DNER: variants seen among roughly 807,000 people sequenced by gnomAD.
DNER encodes delta/notch like EGF repeat containing.
DNER carries 33 observed loss-of-function variants against 78.2 expected under a neutral mutation model. The observed-to-expected ratio is 0.42, with a 90% confidence interval of 0.32 to 0.56. The LOEUF is 0.56. DNER is among the 20% of genes least tolerant of loss of function. The pLI is 0.11. For synonymous variants in DNER, 417 were observed against 384.8 expected (o/e 1.08, Z -0.98); for missense variants, 918 against 975.3 (o/e 0.94, Z 0.78).
chr2:229,602,198 G>C (rs7588236), intron 1 of DNER, among the ~76,000 whole-genome samples: 4,657 of 152,110 alleles, frequency 0.031, 216 homozygotes, highest in African/African-American at 0.097. Context: ...GGAAAAGAAG[G>C]CTGCAGGCAA....
chr2:229,608,514 G>A (rs931568525), intron 1 of DNER, among the ~76,000 whole-genome samples: 8 of 152,134 alleles, frequency 5.3e-5, no homozygotes, highest in Admixed American at 2.0e-4. Flanking sequence ...AAATTAAACC[G>A]CATGAAAATT....
chr2:229,515,635 C>CTTTTTTTTTTT (rs1409850665), intron 5 of DNER, among the ~76,000 whole-genome samples: 8 of 123,252 alleles, frequency 6.5e-5, no homozygotes, highest in African/African-American at 8.8e-5. Flanking sequence ...TTCAAGTTAG[C>CTTTTTTTTTTT]TTTATTTTTT....
chr2:229,644,087 C>T lies in DNER; in HGVS notation c.277-52199G>A, dbSNP rs1010395979. Among the ~76,000 whole-genome samples the T allele has an allele frequency of 1.1e-4, 16 of 152,222 alleles. 2 individuals are homozygous for T. In the South Asian group the frequency reaches 3.3e-3, roughly 32 times the overall value. Reference sequence around the variant, plus strand: ...CAGACAATGCCAGCCCAGGGATCAGCCCTGCACCTGCCCCCAAATTTCCCA... The same window carrying T: ...CAGACAATGCCAGCCCAGGGATCAGTCCTGCACCTGCCCCCAAATTTCCCA... On this transcript the variant is annotated intron_variant, in intron 1 of 12. Transcript: ENST00000341772.
intron 1 of DNER, among the ~76,000 whole-genome samples, chr2:229,713,231 C>A (rs1352547038): frequency 6.6e-6 from 1 of 152,248 alleles, no homozygotes. Context: ...TACACACAGT[C>A]CTACCAAATT....
chr2:229,597,387 C>T (rs17581710), intron 1 of DNER, among the ~76,000 whole-genome samples: 5,949 of 152,248 alleles, frequency 0.039, 149 homozygotes, highest in Middle Eastern at 0.1. Context: ...TTAAGTCCTA[C>T]GTTTCTGTAT....
intron 8 of DNER, among the ~76,000 whole-genome samples, chr2:229,421,985 T>C (rs1010201821): frequency 2.6e-5 from 4 of 152,210 alleles, no homozygotes; most frequent in African/African-American, 4.8e-5. Flanking sequence ...TATCTTTTTA[T>C]ACTAGCAATA....
chr2:229,449,820 G>A (rs1694417778), intron 7 of DNER, among the ~76,000 whole-genome samples: 1 of 152,186 alleles, frequency 6.6e-6, no homozygotes, highest in Non-Finnish European at 1.5e-5. Context: ...GTCTCACTCT[G>A]TTGCCCAGGC....
At position 229,483,816 on chromosome 2, in the gene DNER, C is replaced by T. The variant is rs151291251; in HGVS notation, c.1148-6563G>A. ...ACTTGCTCAGACCTCAGGCTTTTTG[C>T]CCTTGTTTATTCTAAAACTTCGCTC... On this transcript the variant is annotated intron_variant, in intron 6 of 12. Coordinates refer to ENST00000341772, the MANE Select transcript of DNER (RefSeq NM_139072.4). 2.9e-3 allele frequency among the ~76,000 whole-genome samples: 444 copies of T among 152,164 alleles called. 2 individuals are homozygous for T. Among genetic ancestry groups the T allele is most frequent in the African/African-American group, 0.01 (423 of 41,500 alleles).
chr2:229,480,800 C>T (rs1695141244), intron 6 of DNER, among the ~76,000 whole-genome samples: 2 of 152,190 alleles, frequency 1.3e-5, no homozygotes, highest in Non-Finnish European at 2.9e-5. Context: ...TTTGTCATTG[C>T]TTTATTTCCC....
intron 1 of DNER, among the ~76,000 whole-genome samples, chr2:229,632,074 G>T (rs13388208): frequency 6.6e-6 from 1 of 152,196 alleles, no homozygotes; most frequent in Non-Finnish European, 1.5e-5. Context: ...AAAATATAGC[G>T]CTGTGAATGT....
intron 1 of DNER, among the ~76,000 whole-genome samples, chr2:229,595,171 A>G (rs765924057): frequency 4.6e-5 from 7 of 152,172 alleles, no homozygotes; most frequent in Admixed American, 1.3e-4. Context: ...TCCTTACAGC[A>G]ACCCTTTTGG....
intron 7 of DNER, among the ~76,000 whole-genome samples, chr2:229,459,121 T>G (rs1183601599): frequency 6.6e-6 from 1 of 152,068 alleles, no homozygotes; most frequent in Non-Finnish European, 1.5e-5. Flanking sequence ...AATACCCAAA[T>G]AAATGAAGAC....
chr2:229,383,163 A>C (rs1228745803), intron 11 of DNER, among the ~76,000 whole-genome samples: 1 of 152,188 alleles, frequency 6.6e-6, no homozygotes, highest in Non-Finnish European at 1.5e-5. Flanking sequence ...AGCCAACCTA[A>C]GTTTCGTAAG....
At chr2:229,606,026 GA>G (rs1206930171) in intron 1 of DNER, among the ~76,000 whole-genome samples, 1 of 151,964 alleles carries the variant, frequency 6.6e-6, no homozygotes, top group Non-Finnish European at 1.5e-5. Flanking sequence ...TTCTCCGGTG[GA>G]AAAAAAATTA....
chr2:229,700,828 G>A (rs1699734398), intron 1 of DNER, among the ~76,000 whole-genome samples: 1 of 151,690 alleles, frequency 6.6e-6, no homozygotes. Context: ...GGCTGAGACA[G>A]GAGAATCGCC....
At chr2:229,588,893 ACTAGG>A (rs1697549349) in intron 2 of DNER, among the ~76,000 whole-genome samples, 1 of 152,242 alleles carries the variant, frequency 6.6e-6, no homozygotes, top group East Asian at 1.9e-4. Context: ...AAGCCTAATG[ACTAGG>A]CAAGCCAGCC....
intron 9 of DNER, among the ~76,000 whole-genome samples, chr2:229,412,211 C>T (rs1232251299): frequency 6.6e-6 from 1 of 152,196 alleles, no homozygotes; most frequent in Non-Finnish European, 1.5e-5. Flanking sequence ...AAGGACACAG[C>T]AGTATTTTGG....
At position 229,477,221 on chromosome 2, in the gene DNER, C is replaced by G; in HGVS notation, c.1180G>C (p.Asp394His). 6.2e-7 allele frequency: 1 copy of G among 1,613,572 alleles called. No homozygotes were observed. The highest frequency in any genetic ancestry group is 1.7e-5 in the Admixed American group (1 of 59,958). Residue 394 changes from aspartate to histidine, a missense_variant, in exon 7 of 13, where the codon GAT becomes CAT. Asp to His is a moderately conservative substitution (Grantham distance 81, BLOSUM62 -1). Coordinates refer to ENST00000341772, the MANE Select transcript of DNER (RefSeq NM_139072.4). ...YTGELCQSKI[D>H]YCILDPCRNG... ...CTGCATGGGTCTAGGATGCAGTAAT[C>G]AATCTTGGACTGGCAAAGCTCTCCA...
intron 10 of DNER, among the ~76,000 whole-genome samples, chr2:229,404,091 G>A (rs759114918): frequency 5.3e-5 from 8 of 152,108 alleles, no homozygotes; most frequent in Non-Finnish European, 1.0e-4. Flanking sequence ...AGTGGTGCAG[G>A]TAGGTTGGAG....
Sources: gnomAD v4.1 joint callset for allele counts (sites outside exome capture counted in the v4.1 genomes callset) on GRCh38, gnomAD v4.1.1 for gene constraint, MANE v1.5 for transcripts, NCBI Gene and HGNC (gene_info 2026-07-23, HGNC 2026-07-21) for gene names.